LUM: variants seen among roughly 807,000 people sequenced by gnomAD.
LUM encodes lumican.
A neutral mutation model predicts 20.5 loss-of-function variants in LUM; 13 were observed. The ratio of observed to expected loss-of-function variants is 0.63; its 90% CI spans 0.41 to 1.01. LUM has a LOEUF of 1.01. Ranked by LOEUF, LUM falls within the 50% of genes least tolerant of loss-of-function variation. The pLI, the probability that LUM is intolerant of heterozygous loss-of-function variation, is 0.00. For synonymous variants in LUM, 173 were observed against 151.5 expected (o/e 1.14, Z -1.04); for missense variants, 321 against 391.1 (o/e 0.82, Z 1.51).
intron 2 of LUM, among the ~76,000 whole-genome samples, chr12:91,107,740 G>A (rs1880114108): frequency 6.6e-6 from 1 of 151,596 alleles, no homozygotes; most frequent in African/African-American, 2.4e-5. Flanking sequence ...TTCCAAGACA[G>A]AATCTGGCTG....
chr12:91,106,606 G>A lies in LUM; in HGVS notation c.862+1512C>T, dbSNP rs528583600. 4.9e-5 allele frequency among the ~76,000 whole-genome samples: 7 copies of A among 143,374 alleles called. No homozygotes were observed. The South Asian group carries it at 1.5e-3, about 31-fold the overall frequency. The allele number at this position is 143,374 out of a possible 152,430, so 94.1% of individuals were successfully genotyped here. A position where few individuals can be genotyped will look rare whatever the true frequency, so the allele number is the denominator to read the frequency against. On this transcript the variant is annotated intron_variant, in intron 2 of 2. Coordinates refer to ENST00000266718, the MANE Select transcript of LUM (RefSeq NM_002345.4). Reference sequence around the variant, plus strand: ...AGAAGATAAATGAAAAATAAAGAGAGGAGAAAGAGAAAGTGTGGAAATATC... The same window carrying A: ...AGAAGATAAATGAAAAATAAAGAGAAGAGAAAGAGAAAGTGTGGAAATATC...
intron 2 of LUM, among the ~76,000 whole-genome samples, chr12:91,107,329 GAAA>G (rs1258197440): frequency 8.8e-5 from 11 of 124,618 alleles, no homozygotes; most frequent in African/African-American, 3.0e-4. Flanking sequence ...AAGAAAGAAA[GAAA>G]GAAAGAAAGA....
In LUM at chr12:91,102,652, G is replaced by A. The variant is rs886344726; in HGVS notation, c.*1513C>T. 1 of 151,996 alleles carries A rather than the reference G, an allele frequency of 6.6e-6. No individual in the cohort carries two copies. The allele number at this position is 151,996 out of a possible 1,614,324, so 9.4% of individuals were successfully genotyped here. A position where few individuals can be genotyped will look rare whatever the true frequency, so the allele number is the denominator to read the frequency against. On this transcript the variant is annotated 3_prime_UTR_variant, in exon 3 of 3. Transcript: ENST00000266718. ...AATTCATCTACATTATAGTTTTATC[G>A]AGAAAAAGTAGATTTCAAGTTTAAA...
intron 2 of LUM, among the ~76,000 whole-genome samples, chr12:91,107,528 A>G (rs1192895080): frequency 2.0e-5 from 3 of 152,114 alleles, no homozygotes; most frequent in Admixed American, 6.5e-5. Flanking sequence ...AGGAGAAAAT[A>G]ATAAGAGATA....
In LUM at chr12:91,107,967, C is replaced by T. The variant is rs1473132304; in HGVS notation, c.862+151G>A. On this transcript the variant is annotated intron_variant, in intron 2 of 2. Coordinates refer to ENST00000266718, the MANE Select transcript of LUM (RefSeq NM_002345.4). The stretch of plus-strand genomic sequence containing the variant: ...TGACCTGGTGATCCGCCCACTTCGG[C>T]CTCCCAAAATGCTGGATTTACAGGA... The T allele has an allele frequency of 9.2e-6, 8 of 867,442 alleles. No homozygotes were observed. In the African/African-American group the frequency reaches 1.0e-4, roughly 11 times the overall value. 53.7% of individuals were successfully genotyped at this position (867,442 alleles called of 1,614,324 possible). A position where few individuals can be genotyped will look rare whatever the true frequency, so the allele number is the denominator to read the frequency against.
At position 91,108,738 on chromosome 12, in the gene LUM, A is replaced by G; in HGVS notation, c.242T>C (p.Ile81Thr). ...TACATTCTCAAAGGCCTTTTCATCA[A>G]TATGGTCAATCTGGTTATTCCTAAG... ...LYLRNNQIDH[I>T]DEKAFENVTD... The change falls in exon 2 of 3, where the codon ATT becomes ACT. Residue 81 changes from isoleucine (I) to threonine (T), a missense_variant. Ile to Thr is a moderately conservative substitution (Grantham distance 89). Transcript: ENST00000266718. The surrounding 1 kb of genome is among the most constrained non-coding windows in gnomAD (Gnocchi z 4.2). The G allele has an allele frequency of 1.9e-6, 3 of 1,614,118 alleles. No individual in the cohort carries two copies. Among genetic ancestry groups the G allele is most frequent in the Non-Finnish European group, 2.5e-6 (3 of 1,180,012 alleles).
intron 1 of LUM, among the ~76,000 whole-genome samples, chr12:91,110,925 TAA>T (rs751057659): frequency 1.3e-5 from 2 of 152,146 alleles, no homozygotes; most frequent in Admixed American, 6.6e-5. Context: ...AAATAATCCA[TAA>T]GAGTTCCTAA....
chr12:91,108,986 C>T lies in LUM; in HGVS notation c.-7G>A, dbSNP rs763111214. 1 of 1,609,820 alleles carries T rather than the reference C, an allele frequency of 6.2e-7. No individual in the cohort carries two copies. Among genetic ancestry groups the T allele is most frequent in the Non-Finnish European group, 8.5e-7 (1 of 1,177,532 alleles). Reference sequence around the variant, plus strand: ...TAAATGCACTTAGACTCATTTTTGGCAAATGGTTTGAATCCTAAATAAAGA... The same window carrying T: ...TAAATGCACTTAGACTCATTTTTGGTAAATGGTTTGAATCCTAAATAAAGA... On this transcript the variant is annotated 5_prime_UTR_variant, in exon 2 of 3. Transcript: ENST00000266718. The surrounding 1 kb of genome is among the most constrained non-coding windows in gnomAD (Gnocchi z 4.2).
chr12:91,104,424 T>C, intron 2 of LUM, 105 bp from the exon 3 acceptor site: 3 of 760,466 alleles, frequency 3.9e-6, no homozygotes, highest in African/African-American at 1.8e-5. Context: ...CCTCTTCCCA[T>C]TTAGAAAAGT....
chr12:91,104,056 C>A lies in LUM; in HGVS notation c.*109G>T. 1 of 925,938 alleles carries A rather than the reference C, an allele frequency of 1.1e-6. No homozygotes were observed. Among genetic ancestry groups the A allele is most frequent in the Non-Finnish European group, 1.6e-6 (1 of 606,684 alleles). The allele number at this position is 925,938 out of a possible 1,614,324, so 57.4% of individuals were successfully genotyped here. ...AAATAAATGTTTACAAAACATTTCCCTCAGATTTTAAAATTCATGGAAGTA... is the reference window on the plus strand; with the variant it reads ...AAATAAATGTTTACAAAACATTTCCATCAGATTTTAAAATTCATGGAAGTA... On this transcript the variant is annotated 3_prime_UTR_variant, in exon 3 of 3. Coordinates refer to ENST00000266718, the MANE Select transcript of LUM (RefSeq NM_002345.4).
Position 91,104,317 on chromosome 12 carries a change from A to G in LUM, c.865T>C (p.Phe289Leu). 1 of 1,609,308 alleles carries G rather than the reference A, an allele frequency of 6.2e-7. No homozygotes were observed. Among genetic ancestry groups the G allele is most frequent in the Admixed American group, 1.7e-5 (1 of 59,706 alleles). Residue 289 changes from phenylalanine (F) to leucine (L), a missense_variant and splice_region_variant, in exon 3 of 3, where the codon TTT (phenylalanine) becomes CTT (leucine). By Grantham distance (22) the Phe-to-Leu change is conservative. Coordinates refer to ENST00000266718, the MANE Select transcript of LUM (RefSeq NM_002345.4). ...YYLEVNQLEK[F>L]DIKSFCKILG... ...ATCTTGCAGAAGCTCTTTATGTCAA[A>G]CTCTAAAAATTAAAGAATAGAAAAC...
In LUM at chr12:91,104,228, T is replaced by A; in HGVS notation, c.954A>T (p.Glu318Asp). 1 of 1,612,992 alleles carries A rather than the reference T, an allele frequency of 6.2e-7. No homozygotes were observed. The highest frequency in any genetic ancestry group is 8.5e-7 in the Non-Finnish European group (1 of 1,179,206). The change falls in exon 3 of 3, where the codon GAA (glutamate) becomes GAT (aspartate). Residue 318 changes from glutamate to aspartate, a missense_variant. Physicochemically the swap from Glu to Asp is conservative, Grantham distance 45. Coordinates refer to ENST00000266718, the MANE Select transcript of LUM (RefSeq NM_002345.4). ...HLRLDGNRIS[E>D]TSLPPDMYEC... ...CATACATATCCGGTGGAAGACTGGTTTCTGAGATGCGATTGCCATCCAAAC... is the reference window on the plus strand; with the variant it reads ...CATACATATCCGGTGGAAGACTGGTATCTGAGATGCGATTGCCATCCAAAC...
At position 91,104,137 on chromosome 12, in the gene LUM, C is replaced by T; in HGVS notation, c.*28G>A. The T allele has an allele frequency of 6.3e-7, 1 of 1,580,694 alleles. No individual in the cohort carries two copies. Among genetic ancestry groups the T allele is most frequent in the Non-Finnish European group, 8.7e-7 (1 of 1,153,002 alleles). ...AAACTGACACACAGAAAAACATAAC[C>T]ATAAAATATTGTTCCAGGATACAGA... On this transcript the variant is annotated 3_prime_UTR_variant, in exon 3 of 3. Transcript: ENST00000266718.
At chr12:91,104,389 A>T in intron 2 of LUM, 70 bp from the exon 3 acceptor site, 1 of 1,039,702 alleles carries the variant, frequency 9.6e-7, no homozygotes, top group Non-Finnish European at 1.4e-6. Context: ...CAAAAAATTT[A>T]TGTTTAATAT....
rs985079601 is a variant in LUM at position 91,103,508 on chromosome 12, T to A, written c.*657A>T. 6.6e-6 allele frequency: 1 copy of A among 152,130 alleles called. No homozygotes were observed. Among genetic ancestry groups the A allele is most frequent in the Non-Finnish European group, 1.5e-5 (1 of 67,970 alleles). The allele number at this position is 152,130 out of a possible 1,614,324, so 9.4% of individuals were successfully genotyped here. On this transcript the variant is annotated 3_prime_UTR_variant, in exon 3 of 3. Transcript: ENST00000266718. ...AATCTATTGTTTTATGTATTTTATA[T>A]ACAAAGTACAGAAATTTCACAAGAA...
intron 2 of LUM, among the ~76,000 whole-genome samples, chr12:91,105,648 A>G (rs553988462): frequency 2.0e-5 from 3 of 152,348 alleles, no homozygotes; most frequent in Non-Finnish European, 4.4e-5. Context: ...ACCTGACTAA[A>G]TGTACAAAGA....
In LUM at chr12:91,108,131, G is replaced by T; in HGVS notation, c.849C>A (p.Val283=). 6.2e-7 allele frequency: 1 copy of T among 1,613,928 alleles called. No individual in the cohort carries two copies. Among genetic ancestry groups the T allele is most frequent in the South Asian group, 1.1e-5 (1 of 91,006 alleles). Residue 283 remains valine, a synonymous_variant, in exon 2 of 3, where the codon GTC becomes GTA. Coordinates refer to ENST00000266718, the MANE Select transcript of LUM (RefSeq NM_002345.4). The surrounding 1 kb of genome is among the most constrained non-coding windows in gnomAD (Gnocchi z 4.2). ...NENLENYYLE[V]NQLEKFDIKS... The stretch of plus-strand genomic sequence containing the variant: ...CTTTTTACTTACTCTCAAGTTGATT[G>T]ACCTCCAGGTAATAGTTTTCAAGGT...
chr12:91,103,571 G>A lies in LUM; in HGVS notation c.*594C>T, dbSNP rs1171133750. The A allele has an allele frequency of 6.6e-6, 1 of 151,986 alleles. No homozygotes were observed. The highest frequency in any genetic ancestry group is 1.5e-5 in the Non-Finnish European group (1 of 67,948). 9.4% of individuals were successfully genotyped at this position (151,986 alleles called of 1,614,324 possible). ...GATGCCATTTGCTATGTTTTATTTT[G>A]CTAGTAGCTTATTAAACATAACATG... On this transcript the variant is annotated 3_prime_UTR_variant, in exon 3 of 3. Coordinates refer to ENST00000266718, the MANE Select transcript of LUM (RefSeq NM_002345.4).
In LUM at chr12:91,103,736, C is replaced by T. The variant is rs923485526; in HGVS notation, c.*429G>A. ...TTCATGTATTTTGCAATATTCTTGG[C>T]CTCAATATCTACCACCTATTTTTTA... On this transcript the variant is annotated 3_prime_UTR_variant, in exon 3 of 3. Transcript: ENST00000266718. The T allele has an allele frequency of 6.5e-6, 1 of 154,382 alleles. No homozygotes were observed. The highest frequency in any genetic ancestry group is 2.4e-5 in the African/African-American group (1 of 41,412). 9.6% of individuals were successfully genotyped at this position (154,382 alleles called of 1,614,324 possible).
Sources: allele counts gnomAD v4.1 joint callset (sites outside exome capture counted in the v4.1 genomes callset), GRCh38; gene constraint gnomAD v4.1.1; non-coding constraint Gnocchi (gnomAD v3.1); transcripts MANE v1.5; gene names NCBI Gene and HGNC (gene_info 2026-07-23, HGNC 2026-07-21).